The following KCTD16 variants were observed in gnomAD, a reference collection of about 807,000 sequenced individuals.
KCTD16 encodes the protein BTB/POZ domain-containing protein KCTD16.
In KCTD16, 13 loss-of-function variants were observed where a neutral mutation model predicts 33.2. The observed-to-expected ratio is 0.39, with a 90% CI of 0.25 to 0.62. KCTD16 has a LOEUF of 0.62. KCTD16 is among the 20% of genes least tolerant of loss of function. The pLI is 0.50. For synonymous variants in KCTD16, 197 were observed against 195.3 expected (o/e 1.01, Z -0.07); for missense variants, 441 against 525.1 (o/e 0.84, Z 1.57).
intron 3 of KCTD16, among the ~76,000 whole-genome samples, chr5:144,456,528 A>T (rs1050992896): frequency 7.2e-5 from 11 of 152,122 alleles, no homozygotes; most frequent in African/African-American, 2.7e-4. Flanking sequence ...TAAACTCATT[A>T]GGGCCATCTG....
intron 3 of KCTD16, among the ~76,000 whole-genome samples, chr5:144,309,236 CTT>C (rs1057326612): frequency 1.3e-5 from 2 of 152,152 alleles, no homozygotes; most frequent in African/African-American, 4.8e-5. Flanking sequence ...GCTCAAAGGA[CTT>C]TATGCACTCT....
intron 3 of KCTD16, among the ~76,000 whole-genome samples, chr5:144,356,704 T>C (rs1246884832): frequency 6.6e-6 from 1 of 152,170 alleles, no homozygotes; most frequent in African/African-American, 2.4e-5. Context: ...TCTTCCTTTA[T>C]TCCTCTTTTA....
chr5:144,209,643 G>A (rs930218891), intron 3 of KCTD16, among the ~76,000 whole-genome samples: 4 of 151,700 alleles, frequency 2.6e-5, no homozygotes, highest in Non-Finnish European at 5.9e-5. Context: ...GCTGCCAACT[G>A]TGCCTATATA....
intron 3 of KCTD16, among the ~76,000 whole-genome samples, chr5:144,450,582 G>A (rs1443045959): frequency 6.6e-6 from 1 of 152,016 alleles, no homozygotes; most frequent in Non-Finnish European, 1.5e-5. Context: ...TAAAGAAAAT[G>A]TGGCATATAC....
chr5:144,178,801 G>A (rs1371291611), intron 2 of KCTD16, among the ~76,000 whole-genome samples: 1 of 151,978 alleles, frequency 6.6e-6, no homozygotes, highest in Non-Finnish European at 1.5e-5. Flanking sequence ...ATTGACTTCT[G>A]TACTAAATAT....
chr5:144,294,910 C>G (rs1299170483), intron 3 of KCTD16, among the ~76,000 whole-genome samples: 1 of 152,158 alleles, frequency 6.6e-6, no homozygotes, highest in African/African-American at 2.4e-5. Context: ...GAGTTCCTGT[C>G]ACTGCTTCAA....
chr5:144,246,633 A>G lies in KCTD16; in HGVS notation c.832+39087A>G, dbSNP rs75051035. 5.8e-3 allele frequency among the ~76,000 whole-genome samples: 879 copies of G among 152,316 alleles called. 14 individuals are homozygous for G. Among genetic ancestry groups the G allele is most frequent in the East Asian group, 0.038 (196 of 5,180 alleles). On this transcript the variant is annotated intron_variant, in intron 3 of 3. Coordinates refer to ENST00000512467, the MANE Select transcript of KCTD16 (RefSeq NM_020768.4). The stretch of plus-strand genomic sequence containing the variant: ...TATCACCTCAAGTAAAACACAACAA[A>G]TCACCAAATGATAATTTAACATTGA...
intron 2 of KCTD16, among the ~76,000 whole-genome samples, chr5:144,190,215 G>A (rs936830869): frequency 1.3e-5 from 2 of 152,154 alleles, no homozygotes; most frequent in Non-Finnish European, 2.9e-5. Flanking sequence ...TAGACTATGA[G>A]CAATTCCAAG....
chr5:144,390,970 T>C (rs1443666033), intron 3 of KCTD16, among the ~76,000 whole-genome samples: 1 of 152,130 alleles, frequency 6.6e-6, no homozygotes, highest in African/African-American at 2.4e-5. Flanking sequence ...TAATTCCTTT[T>C]GTTCCAAGGT....
intron 2 of KCTD16, among the ~76,000 whole-genome samples, chr5:144,205,001 GGA>G (rs1753128367): frequency 1.3e-5 from 2 of 151,902 alleles, no homozygotes; most frequent in African/African-American, 4.8e-5. Context: ...CGAGGAGGGG[GGA>G]GGGGGGAAGA....
chr5:144,259,218 G>A (rs1833723), intron 3 of KCTD16, among the ~76,000 whole-genome samples: 96,763 of 142,634 alleles, frequency 0.68, 34,021 homozygotes, highest in African/African-American at 0.9. Context: ...AGATCGCGCC[G>A]CTGCACTCCA....
chr5:144,333,390 T>A (rs554228152), intron 3 of KCTD16, among the ~76,000 whole-genome samples: 6 of 152,324 alleles, frequency 3.9e-5, no homozygotes, highest in African/African-American at 1.4e-4. Context: ...TGGCCCCTTG[T>A]ATATCAGTTA....
At chr5:144,425,341 CTTGTTG>C (rs2126965194) in intron 3 of KCTD16, among the ~76,000 whole-genome samples, 1 of 152,082 alleles carries the variant, frequency 6.6e-6, no homozygotes, top group African/African-American at 2.4e-5. Flanking sequence ...GGCCTATAGC[CTTGTTG>C]GGCTCATCCC....
chr5:144,230,447 A>G (rs1754068805), intron 3 of KCTD16, among the ~76,000 whole-genome samples: 1 of 152,236 alleles, frequency 6.6e-6, no homozygotes. Flanking sequence ...AAAGGTGTGA[A>G]TCCTCAGCCT....
Position 144,375,872 on chromosome 5 carries a change from G to T in KCTD16, c.833-97788G>T, listed in dbSNP as rs546384702. 8.1e-4 allele frequency among the ~76,000 whole-genome samples: 123 copies of T among 151,812 alleles called. 2 individuals carry two copies. Among genetic ancestry groups the T allele is most frequent in the Non-Finnish European group, 6.2e-4 (42 of 67,960 alleles). ...GTTGCCCAGGCTGGAGTGCAGTGGT[G>T]TGATCTCAGCTCACTGCAACCTCCG... On this transcript the variant is annotated intron_variant, in intron 3 of 3. Coordinates refer to ENST00000512467, the MANE Select transcript of KCTD16 (RefSeq NM_020768.4).
At position 144,206,746 on chromosome 5, in the gene KCTD16, A is replaced by G. The variant is rs775143754; in HGVS notation, c.32A>G (p.Tyr11Cys). ...CTGAGTGGAAACTGTAGTCGTTATTATCCTCGAGAACAAGGGTCCGCAGTT... is the reference window on the plus strand; with the variant it reads ...CTGAGTGGAAACTGTAGTCGTTATTGTCCTCGAGAACAAGGGTCCGCAGTT... Reference protein sequence around the residue: MALSGNCSRYYPREQGSAVPN... With the variant: MALSGNCSRYCPREQGSAVPN... The change falls in exon 3 of 4, where the codon TAT becomes TGT. Residue 11 changes from tyrosine (Y) to cysteine (C), a missense_variant. Physicochemically the swap from Tyr to Cys is radical, Grantham distance 194 (BLOSUM62 -2). This residue lies in a region of KCTD16 where 80 missense variants were observed against 88.5 expected (regional missense o/e 0.90). Transcript: ENST00000512467. 6.2e-7 allele frequency: 1 copy of G among 1,613,992 alleles called. No homozygotes were observed. Among genetic ancestry groups the G allele is most frequent in the Non-Finnish European group, 8.5e-7 (1 of 1,179,938 alleles).
intron 3 of KCTD16, among the ~76,000 whole-genome samples, chr5:144,411,550 C>T (rs562906589): frequency 2.3e-4 from 35 of 152,092 alleles, no homozygotes; most frequent in Non-Finnish European, 4.9e-4. Flanking sequence ...GAATTAAAGA[C>T]TTAAATTCAA....
At chr5:144,204,700 C>T (rs1753120368) in intron 2 of KCTD16, among the ~76,000 whole-genome samples, 1 of 151,916 alleles carries the variant, frequency 6.6e-6, no homozygotes. Context: ...CTGTGGGTGC[C>T]GGTGCTTCAC....
chr5:144,228,988 G>A (rs1284924014), intron 3 of KCTD16, among the ~76,000 whole-genome samples: 2 of 152,206 alleles, frequency 1.3e-5, no homozygotes, highest in Non-Finnish European at 2.9e-5. Flanking sequence ...GACTGTGGGA[G>A]AGTGAATAAA....
Sources: gnomAD v4.1 joint callset for allele counts (sites outside exome capture counted in the v4.1 genomes callset) on GRCh38, gnomAD v4.1.1 for gene constraint, gnomAD v4.1.1 regional missense constraint, MANE v1.5 for transcripts, NCBI Gene and HGNC (gene_info 2026-07-23, HGNC 2026-07-21) for gene names.